ZNF565: variants seen among roughly 807,000 people sequenced by gnomAD.
ZNF565 encodes zinc finger protein 565.
Under a neutral mutation model 39.4 loss-of-function variants are expected in ZNF565, and 27 were observed. The observed-to-expected ratio is 0.69, with a 90% CI of 0.51 to 0.95. The LOEUF is 0.95. Ranked by LOEUF, ZNF565 falls within the 40% of genes least tolerant of loss-of-function variation. The pLI is 0.00. For missense variants in ZNF565, 524 were observed against 621.1 expected (o/e 0.84, Z 1.66); for synonymous variants, 185 against 216.6 (o/e 0.85, Z 1.28).
At chr19:36,228,174 A>AGAAAG (rs1555742406) in intron 1 of ZNF565, among the ~76,000 whole-genome samples, 5,357 of 144,270 alleles carry the variant, frequency 0.037, 337 homozygotes, top group African/African-American at 0.13. Flanking sequence ...AAAAAAAAAA[A>AGAAAG]AAAGAAAGAA....
rs759805747 is a variant in ZNF565, at chr19:36,182,827, CGTGTGAGCT to C, written c.1130_1138del (p.Gln377_Thr379del). 6.2e-7 allele frequency: 1 copy of C among 1,613,764 alleles called. No homozygotes were observed. The highest frequency in any genetic ancestry group is 8.5e-7 in the Non-Finnish European group (1 of 1,179,970). ...GTCGCCAGTATGGACTCTCTGATGT[CGTGTGAGCT>C]GTGCGTGCTGTCTGAAGGCCTTCCC... is the stretch of plus-strand genomic sequence containing the variant. On this transcript the variant is annotated inframe_deletion, in exon 5 of 5. Coordinates refer to ENST00000304116, the MANE Select transcript of ZNF565 (RefSeq NM_152477.5).
Position 36,182,943 on chromosome 19 carries a change from T to C in ZNF565, c.1023A>G (p.Gly341=), listed in dbSNP as rs1975138527. Reference sequence around the variant, plus strand: ...CTTCTGAGCTGTGAATAAAGCCCTTTCCGCATTCCTTACACTCGTAGGGTT... The same window carrying C: ...CTTCTGAGCTGTGAATAAAGCCCTTCCCGCATTCCTTACACTCGTAGGGTT... ...GEKPYECKEC[G]KGFIHSSEVT... is the part of the protein sequence containing the mutation. The change falls in exon 5 of 5, where the codon GGA becomes GGG. Residue 341 remains glycine (G), a synonymous_variant. Coordinates refer to ENST00000304116, the MANE Select transcript of ZNF565 (RefSeq NM_152477.5). 2 of 1,613,724 alleles carry C rather than the reference T, an allele frequency of 1.2e-6. No individual in the cohort carries two copies. Among genetic ancestry groups the C allele is most frequent in the African/African-American group, 2.7e-5 (2 of 74,798 alleles).
chr19:36,214,125 C>T (rs1173387933), intron 1 of ZNF565, among the ~76,000 whole-genome samples: 2 of 151,938 alleles, frequency 1.3e-5, no homozygotes, highest in Admixed American at 6.6e-5. Context: ...TGGCACCCCA[C>T]TCCCGCATAC....
rs76788071 is a variant in ZNF565 at position 36,210,029 on chromosome 19, G to A, written c.-66+4593C>T. On this transcript the variant is annotated intron_variant, in intron 1 of 4. Coordinates refer to ENST00000304116, the MANE Select transcript of ZNF565 (RefSeq NM_152477.5). ...TATAATCCCAGAACTTTGGGATGCC[G>A]AGGAAGGAGAATCACCTGAGGCCAA... Among the ~76,000 whole-genome samples the A allele has an allele frequency of 8.4e-3, 1,282 of 152,122 alleles. 28 individuals are homozygous for A. Among genetic ancestry groups the A allele is most frequent in the East Asian group, 0.08 (414 of 5,178 alleles).
At chr19:36,198,906 T>C (rs914352999) in intron 2 of ZNF565, among the ~76,000 whole-genome samples, 1 of 152,180 alleles carries the variant, frequency 6.6e-6, no homozygotes, top group African/African-American at 2.4e-5. Context: ...AGCCTAAATG[T>C]ACATTTTAAA....
At chr19:36,197,554 A>G (rs1327780826) in intron 2 of ZNF565, among the ~76,000 whole-genome samples, 3 of 152,094 alleles carry the variant, frequency 2.0e-5, no homozygotes, top group Non-Finnish European at 4.4e-5. Context: ...GCAGGCAGAA[A>G]GACAGAGACT....
chr19:36,204,608 A>C (rs1223228553), intron 1 of ZNF565, among the ~76,000 whole-genome samples: 2 of 152,192 alleles, frequency 1.3e-5, no homozygotes, highest in Admixed American at 1.3e-4. Context: ...TAAAGTTTTT[A>C]TTTTATTTTA....
At chr19:36,185,125 A>ATTT (rs1367404927) in intron 4 of ZNF565, among the ~76,000 whole-genome samples, 1 of 151,342 alleles carries the variant, frequency 6.6e-6, no homozygotes, top group African/African-American at 2.4e-5. Flanking sequence ...CTCAGAAAAA[A>ATTT]AAAAAAGGGC....
chr19:36,206,755 C>A (rs1042479241), intron 1 of ZNF565, among the ~76,000 whole-genome samples: 1 of 151,828 alleles, frequency 6.6e-6, no homozygotes, highest in African/African-American at 2.4e-5. Flanking sequence ...TCACTTGAAC[C>A]CAGGAGGAAG....
Position 36,182,586 on chromosome 19 carries a change from T to C in ZNF565, c.1380A>G (p.Ser460=), listed in dbSNP as rs1460682703. The C allele has an allele frequency of 6.2e-7, 1 of 1,614,012 alleles. No homozygotes were observed. Among genetic ancestry groups the C allele is most frequent in the African/African-American group, 1.3e-5 (1 of 74,922 alleles). The part of the protein sequence containing the change: ...RECGMAFIRS[S]QLTEHQRIHP... Reference sequence around the variant, plus strand: ...GAATTCTCTGATGTTCGGTAAGTTGTGAACTACGAATAAAGGCCATTCCAC... The same window carrying C: ...GAATTCTCTGATGTTCGGTAAGTTGCGAACTACGAATAAAGGCCATTCCAC... Residue 460 remains serine (S), a synonymous_variant, in exon 5 of 5, where the codon TCA becomes TCG. Coordinates refer to ENST00000304116, the MANE Select transcript of ZNF565 (RefSeq NM_152477.5).
chr19:36,189,330 T>C (rs1975438788), intron 4 of ZNF565, among the ~76,000 whole-genome samples: 1 of 151,668 alleles, frequency 6.6e-6, no homozygotes. Context: ...TTTTTTTTTT[T>C]TGAGACAGAG....
At chr19:36,221,548 A>G (rs2145407619) in intron 1 of ZNF565, among the ~76,000 whole-genome samples, 1 of 152,226 alleles carries the variant, frequency 6.6e-6, no homozygotes, top group South Asian at 2.1e-4. Flanking sequence ...TCAGCCTCCC[A>G]AAGTACTGGG....
In ZNF565 at chr19:36,245,467, G is replaced by C; in HGVS notation, c.55+9C>G. On this transcript the variant is annotated intron_variant, in intron 1 of 4. Transcript: ENST00000355114. This position sits in a 1 kb window ranked among gnomAD's most constrained non-coding sequence, Gnocchi z 4.4. ...TTTCCCGTGGTCCACCGCGCATCTA[G>C]GAGGTTACCTGCGTCCAGGCGGTGA... 1.4e-6 allele frequency: 1 copy of C among 702,308 alleles called. No individual in the cohort carries two copies. The highest frequency in any genetic ancestry group is 2.6e-6 in the Non-Finnish European group (1 of 384,786). The allele number at this position is 702,308 out of a possible 1,614,324, so 43.5% of individuals were successfully genotyped here.
At chr19:36,192,784 G>A (rs1415077345) in intron 4 of ZNF565, among the ~76,000 whole-genome samples, 1 of 151,530 alleles carries the variant, frequency 6.6e-6, no homozygotes, top group Admixed American at 6.6e-5. Flanking sequence ...TTACAGGCAT[G>A]GGCCACTGTG....
At chr19:36,219,544 A>G (rs570292957), upstream of ZNF565, among the ~76,000 whole-genome samples, 9 of 152,312 alleles carry the variant, frequency 5.9e-5, no homozygotes, top group East Asian at 1.5e-3. Flanking sequence ...ATTTTTGGCC[A>G]GAATACATCA....
chr19:36,199,169 T>C (rs914321745), intron 2 of ZNF565, among the ~76,000 whole-genome samples: 1 of 152,228 alleles, frequency 6.6e-6, no homozygotes, highest in Non-Finnish European at 1.5e-5. Context: ...CACTTTTCCT[T>C]GCTCCTGAAA....
At chr19:36,227,050 T>G (rs1977098119) in intron 1 of ZNF565, among the ~76,000 whole-genome samples, 1 of 144,896 alleles carries the variant, frequency 6.9e-6, no homozygotes, top group Non-Finnish European at 1.5e-5. Flanking sequence ...ACCACTGCGC[T>G]CCAGCCTGGG....
At chr19:36,207,828 G>A (rs1379388884) in intron 1 of ZNF565, among the ~76,000 whole-genome samples, 1 of 152,146 alleles carries the variant, frequency 6.6e-6, no homozygotes, top group African/African-American at 2.4e-5. Flanking sequence ...TCATGCATGT[G>A]GTGACCATCT....
At chr19:36,233,937 C>T (rs896231854) in intron 1 of ZNF565, among the ~76,000 whole-genome samples, 2 of 146,230 alleles carry the variant, frequency 1.4e-5, no homozygotes, top group African/African-American at 5.6e-5. Context: ...GGGGGACGGT[C>T]AGGTCTTTCC....
Sources: gnomAD v4.1 joint callset for allele counts (sites outside exome capture counted in the v4.1 genomes callset) on GRCh38, gnomAD v4.1.1 for gene constraint, Gnocchi (gnomAD v3.1) non-coding constraint, MANE v1.5 for transcripts, NCBI Gene and HGNC (gene_info 2026-07-23, HGNC 2026-07-21) for gene names.